FAIM: variants seen among roughly 807,000 people sequenced by gnomAD.
The protein encoded by FAIM is fas apoptotic inhibitory molecule 1.
In FAIM, 14 loss-of-function variants were observed where a neutral mutation model predicts 21.2. The ratio of observed to expected loss-of-function variants is 0.66; its 90% CI spans 0.44 to 1.03. The LOEUF is 1.03. Among genes scored for constraint, FAIM ranks in the 50% least tolerant of loss-of-function variants. The pLI is 0.00. For synonymous variants in FAIM, 86 were observed against 80.4 expected (o/e 1.07, Z -0.37); for missense variants, 222 against 247.1 (o/e 0.90, Z 0.68).
intron 1 of FAIM, among the ~76,000 whole-genome samples, chr3:138,616,693 A>G (rs1444647417): frequency 6.6e-6 from 1 of 152,204 alleles, no homozygotes; most frequent in Non-Finnish European, 1.5e-5. Context: ...TATAATTATT[A>G]ACCATTTATA....
chr3:138,608,865 C>A lies in FAIM; in HGVS notation c.-89C>A, dbSNP rs370004730. On this transcript the variant is annotated 5_prime_UTR_variant, in exon 1 of 6. Coordinates refer to ENST00000360570, the MANE Select transcript of FAIM (RefSeq NM_001033031.2). ...CAGGGGAGCAAGGCCACGCGGCCTA[C>A]GCAGCCGAGTCGGAACCAACCGGTT... The A allele has an allele frequency of 6.6e-6, 1 of 152,402 alleles. No homozygotes were observed. The highest frequency in any genetic ancestry group is 1.9e-4 in the East Asian group (1 of 5,202). The allele number at this position is 152,402 out of a possible 1,614,324, so 9.4% of individuals were successfully genotyped here. A position where few individuals can be genotyped will look rare whatever the true frequency, so the allele number is the denominator to read the frequency against.
chr3:138,617,822 T>TATATTATATA, intron 1 of FAIM, among the ~76,000 whole-genome samples: 1 of 146,516 alleles, frequency 6.8e-6, no homozygotes, highest in Non-Finnish European at 1.5e-5. Flanking sequence ...AGATACTATT[T>TATATTATATA]ATATATAGTA....
At position 138,609,614 on chromosome 3, in the gene FAIM, A is replaced by ACTCTCTCTCT. The variant is rs1211208979; in HGVS notation, c.-17+695_-17+704dup. 0.02 allele frequency among the ~76,000 whole-genome samples: 520 copies of ACTCTCTCTCT among 25,376 alleles called. 26 individuals are homozygous for ACTCTCTCTCT. The East Asian group carries it at 0.31, about 15-fold the overall frequency. 16.6% of individuals were successfully genotyped at this position (25,376 alleles called of 152,430 possible). On this transcript the variant is annotated intron_variant, in intron 1 of 5. Transcript: ENST00000360570. ...CTCGACTCTCTCTCTCTCTCTCTCG[A>ACTCTCTCTCT]CTCTCTCTCTCTCTCTCTCTCTCTC...
intron 4 of FAIM, among the ~76,000 whole-genome samples, chr3:138,628,261 A>G (rs1170476480): frequency 1.3e-5 from 2 of 152,204 alleles, no homozygotes; most frequent in Non-Finnish European, 2.9e-5. Context: ...ACATTATTGT[A>G]CTACCTAGTA....
intron 5 of FAIM, chr3:138,629,579 T>C (rs2042981301): frequency 1.3e-5 from 2 of 155,510 alleles, no homozygotes; most frequent in Admixed American, 6.4e-5. Context: ...AATTCTAACA[T>C]TTCCCTAGGT....
chr3:138,619,294 G>A (rs2042859764), intron 1 of FAIM, among the ~76,000 whole-genome samples: 1 of 152,168 alleles, frequency 6.6e-6, no homozygotes. Flanking sequence ...GATACATTGT[G>A]TTTATCCTGG....
rs775584738 is a variant in FAIM, at chr3:138,629,088, T to G, written c.407-19T>G. On this transcript the variant is annotated intron_variant, in intron 4 of 5. Transcript: ENST00000360570. ...AAATCACAGAATTATAACTTAAAGT[T>G]TTTATGTTACCTTTACAGAAAAAGA... 4.4e-6 allele frequency: 7 copies of G among 1,581,932 alleles called. No homozygotes were observed. In the Admixed American group the frequency reaches 1.2e-4, roughly 28 times the overall value.
At chr3:138,611,901 C>T (rs893618449) in intron 1 of FAIM, among the ~76,000 whole-genome samples, 1 of 152,160 alleles carries the variant, frequency 6.6e-6, no homozygotes, top group African/African-American at 2.4e-5. Flanking sequence ...GAATCATGAG[C>T]TAAATAAACC....
At chr3:138,621,032 A>T (rs1199687860) in intron 2 of FAIM, among the ~76,000 whole-genome samples, 3 of 152,278 alleles carry the variant, frequency 2.0e-5, no homozygotes, top group South Asian at 2.1e-4. Flanking sequence ...AAAATTAATT[A>T]CCATGGTTTT....
chr3:138,622,442 C>A, intron 4 of FAIM, 26 bp downstream of exon 4: 11 of 1,103,050 alleles, frequency 1.0e-5, no homozygotes, highest in Non-Finnish European at 1.4e-5. Context: ...TTCCGCAGAA[C>A]TTTTTTTTTT....
At chr3:138,625,890 C>T (rs1268447727) in intron 4 of FAIM, among the ~76,000 whole-genome samples, 3 of 151,944 alleles carry the variant, frequency 2.0e-5, no homozygotes, top group East Asian at 3.9e-4. Context: ...TTTTTTTTCA[C>T]CACCTAAAAA....
chr3:138,613,909 T>G (rs1052489241), intron 1 of FAIM, among the ~76,000 whole-genome samples: 1 of 152,262 alleles, frequency 6.6e-6, no homozygotes, highest in African/African-American at 2.4e-5. Context: ...TGTTTTCTTC[T>G]AAGAGTTTTG....
rs752569091 is a variant in FAIM, at chr3:138,622,417, GTAA to G, written c.406+2_406+4del. On this transcript the variant is annotated splice_donor_variant and splice_donor_region_variant and intron_variant, in intron 4 of 5. Transcript: ENST00000360570. LOFTEE classifies it high-confidence loss of function. ...GGTGAGAACTTTAGAATTGTTTTGG[GTAA>G]GTTAGTGCTGTTTCCGCAGAACTTT... 1.1e-5 allele frequency: 18 copies of G among 1,576,792 alleles called. No individual in the cohort carries two copies. The South Asian group carries it at 1.8e-4, about 16-fold the overall frequency.
chr3:138,619,746 G>A lies in FAIM; in HGVS notation c.20G>A (p.Ser7Asn), dbSNP rs199822647. MASGDD[S>N]PIFEDDESPP... ...CCAACCATGGCATCTGGAGATGACA[G>A]TCCTATCTTTGAAGATGATGAAAGG... is the stretch of plus-strand genomic sequence containing the variant. Residue 7 changes from serine to asparagine, a missense_variant, in exon 2 of 6, where the codon AGT (serine) becomes AAT (asparagine). Coordinates refer to ENST00000360570, the MANE Select transcript of FAIM (RefSeq NM_001033031.2). 1.5e-4 allele frequency: 239 copies of A among 1,613,584 alleles called. No individual in the cohort carries two copies. The highest frequency in any genetic ancestry group is 1.2e-3 in the Middle Eastern group (7 of 6,056).
chr3:138,621,596 T>C, intron 3 of FAIM, 57 bp downstream of exon 3: 1 of 1,517,150 alleles, frequency 6.6e-7, no homozygotes, highest in Non-Finnish European at 9.0e-7. Context: ...CTTGATTTTG[T>C]TAAAGTAGCA....
intron 1 of FAIM, 189 bp downstream of exon 1, chr3:138,609,126 C>G (rs2042722371): frequency 6.6e-6 from 1 of 151,926 alleles, no homozygotes; most frequent in Non-Finnish European, 1.5e-5. Flanking sequence ...GTCGGTGAGA[C>G]CCGCGCGGGT....
intron 4 of FAIM, among the ~76,000 whole-genome samples, chr3:138,624,325 A>G (rs2108350164): frequency 6.6e-6 from 1 of 152,332 alleles, no homozygotes; most frequent in Middle Eastern, 3.4e-3. Context: ...CCTAGGTGAA[A>G]TGGAAGAGAC....
At position 138,629,138 on chromosome 3, in the gene FAIM, TA is replaced by T; in HGVS notation, c.444del (p.Lys148AsnfsTer9). On this transcript the variant is annotated frameshift_variant, in exon 5 of 6. Coordinates refer to ENST00000360570, the MANE Select transcript of FAIM (RefSeq NM_001033031.2). LOFTEE classifies it high-confidence loss of function. ...KDAMDVWCNGKKLETAGEFVD... is the reference protein window; with the variant it reads ...KDAMDVWCNGXKLETAGEFVD... ...ATGCTATGGACGTATGGTGCAATGG[TA>T]AAAAATTGGAGACAGCGGTAAGTTG... 2 of 1,611,932 alleles carry T rather than the reference TA, an allele frequency of 1.2e-6. No individual in the cohort carries two copies. The highest frequency in any genetic ancestry group is 1.7e-6 in the Non-Finnish European group (2 of 1,179,212).
chr3:138,626,208 A>C (rs1356839490), intron 4 of FAIM, among the ~76,000 whole-genome samples: 1 of 152,186 alleles, frequency 6.6e-6, no homozygotes, highest in Non-Finnish European at 1.5e-5. Flanking sequence ...TGAGTCACTA[A>C]ATCCAGCACT....
Sources: gnomAD v4.1 joint callset for allele counts (sites outside exome capture counted in the v4.1 genomes callset) on GRCh38, gnomAD v4.1.1 for gene constraint, MANE v1.5 for transcripts, NCBI Gene and HGNC (gene_info 2026-07-23, HGNC 2026-07-21) for gene names.